MYLK3: variants seen among roughly 807,000 people sequenced by gnomAD.
MYLK3 encodes MLC kinase.
A neutral mutation model predicts 76.3 loss-of-function variants in MYLK3; 55 were observed. The observed-to-expected ratio is 0.72, with a 90% CI of 0.58 to 0.90. The LOEUF is 0.90. MYLK3 is among the 40% of genes least tolerant of loss of function. The probability of loss-of-function intolerance (pLI) is 0.00; values close to 1 mark genes in which losing one functional copy is unlikely to be tolerated. For missense variants in MYLK3, 973 were observed against 1,053.6 expected (o/e 0.92, Z 1.06); for synonymous variants, 416 against 425.4 (o/e 0.98, Z 0.27).
At chr16:46,757,496 A>T in intron 1 of MYLK3, 1 of 985,422 alleles carries the variant, frequency 1.0e-6, no homozygotes, top group South Asian at 4.7e-5. Flanking sequence ...GGAGTGGGGC[A>T]CAGAGTCCCC....
At chr16:46,745,267 G>A (rs1424121634) in intron 1 of MYLK3, among the ~76,000 whole-genome samples, 2 of 152,118 alleles carry the variant, frequency 1.3e-5, no homozygotes, top group Non-Finnish European at 2.9e-5. Flanking sequence ...ATTTATAGTT[G>A]CTAAAAATAA....
intron 9 of MYLK3, among the ~76,000 whole-genome samples, chr16:46,714,060 A>T (rs1966712035): frequency 6.6e-6 from 1 of 152,216 alleles, no homozygotes; most frequent in African/African-American, 2.4e-5. Context: ...CTGGACATGA[A>T]GTTTAAGGCT....
Position 46,712,662 on chromosome 16 carries a change from G to A in MYLK3, c.2100C>T (p.Val700=). 6.5e-7 allele frequency: 1 copy of A among 1,543,122 alleles called. No individual in the cohort carries two copies. The change falls in exon 10 of 13, where the codon GTC becomes GTT. Residue 700 remains valine, a synonymous_variant. Coordinates refer to ENST00000394809, the MANE Select transcript of MYLK3 (RefSeq NM_182493.3). ...SFPTDMWSVG[V]ITYMLLSGLS... ...TAAGCACTCACAGCATGTAGGTGAT[G>A]ACTCCCACACTCCACATGTCTGTGG...
At position 46,740,089 on chromosome 16, in the gene MYLK3, C is replaced by T. The variant is rs1596768284; in HGVS notation, c.536G>A (p.Gly179Glu). ...GKPKHVLSTS[G>E]VQSDAREPGE... is the part of the protein sequence containing the mutation. The stretch of plus-strand genomic sequence containing the variant: ...AGGCTCCCTGGCATCAGACTGCACC[C>T]CACTGGTGCTCAGCACATGCTTTGG... Residue 179 changes from glycine (G) to glutamate (E), a missense_variant, in exon 2 of 13, where the codon GGG (glycine) becomes GAG (glutamate). Gly to Glu is a moderately conservative substitution (Grantham distance 98). Coordinates refer to ENST00000394809, the MANE Select transcript of MYLK3 (RefSeq NM_182493.3). The T allele has an allele frequency of 6.2e-7, 1 of 1,613,426 alleles. No homozygotes were observed. The highest frequency in any genetic ancestry group is 2.2e-5 in the East Asian group (1 of 44,862).
chr16:46,748,025 T>C lies in MYLK3; in HGVS notation c.169A>G (p.Met57Val), dbSNP rs1183355869. The C allele has an allele frequency of 1.2e-6, 2 of 1,614,006 alleles. No homozygotes were observed. Among genetic ancestry groups the C allele is most frequent in the Non-Finnish European group, 1.7e-6 (2 of 1,180,032 alleles). The change falls in exon 1 of 13, where the codon ATG becomes GTG. Residue 57 changes from methionine to valine, a missense_variant. By Grantham distance (21) the Met-to-Val change is conservative. Transcript: ENST00000394809. The surrounding 1 kb of genome is among the most constrained non-coding windows in gnomAD (Gnocchi z 4.3). ...TEKLQSMCRD[M>V]GHLERGLHRL... ...TGCAGGCCCCGCTCCAGGTGGCCCA[T>C]GTCTCGGCACATGCTCTGCAACTTC...
intron 4 of MYLK3, among the ~76,000 whole-genome samples, chr16:46,731,983 A>C (rs933197196): frequency 6.6e-6 from 1 of 151,972 alleles, no homozygotes; most frequent in Non-Finnish European, 1.5e-5. Flanking sequence ...GGTGGGCCAC[A>C]CGTGTCCCCT....
chr16:46,727,415 CAAGG>C lies in MYLK3; in HGVS notation c.1773-42_1773-39del. ...AGGGAGAGGCAGGCACCAGCCTAAG[CAAGG>C]CTCTTCAGGGCTTGTCCACTGTCAT... On this transcript the variant is annotated intron_variant, in intron 7 of 12. Transcript: ENST00000394809. 3 of 1,579,656 alleles carry C rather than the reference CAAGG, an allele frequency of 1.9e-6. No homozygotes were observed. The South Asian group carries it at 3.5e-5, about 18-fold the overall frequency.
At chr16:46,735,635 G>A (rs1333556818) in intron 3 of MYLK3, among the ~76,000 whole-genome samples, 6 of 152,196 alleles carry the variant, frequency 3.9e-5, no homozygotes, top group African/African-American at 1.4e-4. Flanking sequence ...CTCACTGGGT[G>A]GGAGGTAGAA....
At chr16:46,712,928 G>T in intron 9 of MYLK3, 152 bp from the exon 10 acceptor site, 1 of 688,182 alleles carries the variant, frequency 1.5e-6, no homozygotes, top group Non-Finnish European at 2.1e-6. Context: ...GAATTACTGG[G>T]GAATAATCAG....
intron 3 of MYLK3, among the ~76,000 whole-genome samples, chr16:46,734,251 C>T (rs1306855168): frequency 6.6e-6 from 1 of 152,222 alleles, no homozygotes; most frequent in African/African-American, 2.4e-5. Context: ...GAGGGACGTT[C>T]TGACACACAC....
chr16:46,732,321 C>A lies in MYLK3; in HGVS notation c.1349G>T (p.Ser450Ile), dbSNP rs149131914. ...AGGCTCAGGGTTTCCCGCCCCTGGG[C>A]TTTTGCCCTGCTGCAGGCCCAGGGC... ...VGALGLQQGK[S>I]PGAGNPEPEQ... The change falls in exon 4 of 13, where the codon AGC becomes ATC. Residue 450 changes from serine (S) to isoleucine (I), a missense_variant. Transcript: ENST00000394809. The A allele has an allele frequency of 2.4e-5, 38 of 1,612,324 alleles. No homozygotes were observed. The African/African-American group carries it at 3.2e-4, about 14-fold the overall frequency.
chr16:46,761,556 C>T (rs1419491758), intron 1 of MYLK3, among the ~76,000 whole-genome samples: 1 of 152,160 alleles, frequency 6.6e-6, no homozygotes, highest in African/African-American at 2.4e-5. Context: ...GTGGCTCACG[C>T]CTGTAATCCC....
At chr16:46,750,791 A>T (rs1045012832), upstream of MYLK3, among the ~76,000 whole-genome samples, 4 of 151,646 alleles carry the variant, frequency 2.6e-5, no homozygotes, top group Non-Finnish European at 5.9e-5. Context: ...GGATTTCGAG[A>T]CCAGCCTGGC....
chr16:46,711,017 C>G lies in MYLK3; in HGVS notation c.2115-228G>C, dbSNP rs1376587421. 14 of 548,652 alleles carry G rather than the reference C, an allele frequency of 2.6e-5. No individual in the cohort carries two copies. The East Asian group carries it at 4.1e-4, about 16-fold the overall frequency. The allele number at this position is 548,652 out of a possible 1,614,324, so 34.0% of individuals were successfully genotyped here. A position where few individuals can be genotyped will look rare whatever the true frequency, so the allele number is the denominator to read the frequency against. ...GCAAGAAGAATTTTTGGAATAAGTC[C>G]CCTCTTGTGCTCACCTCTTTCCACC... is the stretch of plus-strand genomic sequence containing the variant. On this transcript the variant is annotated intron_variant, in intron 10 of 12. Transcript: ENST00000394809.
intron 1 of MYLK3, among the ~76,000 whole-genome samples, chr16:46,745,431 G>A (rs978949416): frequency 6.8e-4 from 103 of 152,062 alleles, no homozygotes; most frequent in Non-Finnish European, 8.7e-4. Flanking sequence ...AGGACAATGT[G>A]AATAACATTT....
chr16:46,708,769 T>A (rs530815908), intron 12 of MYLK3, among the ~76,000 whole-genome samples: 2 of 152,348 alleles, frequency 1.3e-5, no homozygotes, highest in Admixed American at 1.3e-4. Context: ...CTTCCCTGGA[T>A]CACAATTGCT....
intron 1 of MYLK3, among the ~76,000 whole-genome samples, chr16:46,761,926 A>T (rs897975749): frequency 7.3e-6 from 1 of 137,136 alleles, no homozygotes; most frequent in Non-Finnish European, 1.6e-5. Context: ...AAAAAAAAAA[A>T]GGAAGGAGGA....
intron 8 of MYLK3, chr16:46,726,323 C>T (rs1440994098): frequency 2.6e-5 from 4 of 152,258 alleles, no homozygotes; most frequent in Admixed American, 6.5e-5. Context: ...GCCTGTAATC[C>T]CAGCACTTTG....
intron 12 of MYLK3, among the ~76,000 whole-genome samples, chr16:46,708,868 C>G (rs1427991194): frequency 1.3e-5 from 2 of 152,138 alleles, no homozygotes; most frequent in Admixed American, 6.5e-5. Flanking sequence ...CCTTTCTTAT[C>G]TCCCATTTCT....
Sources: allele counts gnomAD v4.1 joint callset (sites outside exome capture counted in the v4.1 genomes callset), GRCh38; gene constraint gnomAD v4.1.1; non-coding constraint Gnocchi (gnomAD v3.1); transcripts MANE v1.5; gene names NCBI Gene and HGNC (gene_info 2026-07-23, HGNC 2026-07-21).